The following PTPRD variants were observed in gnomAD, a reference collection of about 807,000 sequenced individuals.
PTPRD encodes the protein receptor-type tyrosine-protein phosphatase delta.
A neutral mutation model predicts 214.5 loss-of-function variants in PTPRD; 34 were observed. That is an observed-to-expected ratio of 0.16 (90% CI 0.12 to 0.21). PTPRD has a LOEUF of 0.21. PTPRD is among the 10% of genes least tolerant of loss of function. The pLI, the probability that PTPRD is intolerant of heterozygous loss-of-function variation, is 1.00. For synonymous variants in PTPRD, 1,128 were observed against 845.7 expected, an observed-to-expected ratio of 1.33 and a Z score of -5.79; for missense variants, 2,545 against 2,398.7, an observed-to-expected ratio of 1.06 and a Z score of -1.27.
At chr9:10,169,761 A>G (rs2099188913) in intron 3 of PTPRD, among the ~76,000 whole-genome samples, 1 of 152,174 alleles carries the variant, frequency 6.6e-6, no homozygotes, top group South Asian at 2.1e-4. Flanking sequence ...ATGAGTGTTT[A>G]GGCAGAAAAT....
intron 11 of PTPRD, among the ~76,000 whole-genome samples, chr9:8,959,330 A>C (rs555499535): frequency 6.6e-6 from 1 of 152,118 alleles, no homozygotes; most frequent in South Asian, 2.1e-4. Context: ...GGGATCTCTG[A>C]GAAACTGACT....
chr9:8,352,233 G>A lies in PTPRD; in HGVS notation c.4662-10255C>T, dbSNP rs191213501. Among the ~76,000 whole-genome samples the A allele has an allele frequency of 7.2e-5, 11 of 152,140 alleles. No individual in the cohort carries two copies. In the South Asian group the frequency reaches 1.0e-3, roughly 14 times the overall value. ...GATAAATTAGAAGGCTAATGTGTTC[G>A]CGTAAAGAACACCTGAATATGCCGC... On this transcript the variant is annotated intron_variant, in intron 39 of 45. Coordinates refer to ENST00000381196, the MANE Select transcript of PTPRD (RefSeq NM_002839.4).
intron 5 of PTPRD, among the ~76,000 whole-genome samples, chr9:9,934,780 G>T (rs1021230182): frequency 1.3e-5 from 2 of 151,732 alleles, no homozygotes; most frequent in South Asian, 2.1e-4. Flanking sequence ...CCAAAAAAGA[G>T]AATTTTAGAC....
chr9:9,209,778 T>A (rs1444030206), intron 9 of PTPRD, among the ~76,000 whole-genome samples: 2 of 152,174 alleles, frequency 1.3e-5, no homozygotes, highest in East Asian at 3.9e-4. Context: ...TAAAAATATA[T>A]ATCCTGTCTC....
intron 5 of PTPRD, among the ~76,000 whole-genome samples, chr9:9,893,647 T>G (rs936136005): frequency 2.0e-5 from 3 of 152,256 alleles, no homozygotes; most frequent in Middle Eastern, 6.8e-3. Context: ...TGCTTAAAAG[T>G]TATTGGAAAG....
At chr9:9,526,351 C>A (rs2074115944) in intron 8 of PTPRD, among the ~76,000 whole-genome samples, 1 of 152,150 alleles carries the variant, frequency 6.6e-6, no homozygotes, top group South Asian at 2.1e-4. Flanking sequence ...CTTATCTAGG[C>A]TAGGTCATAG....
chr9:9,408,620 C>A (rs2074344164), intron 8 of PTPRD, among the ~76,000 whole-genome samples: 1 of 151,754 alleles, frequency 6.6e-6, no homozygotes, highest in South Asian at 2.1e-4. Flanking sequence ...TTTTAAGGAA[C>A]CCGACATTAC....
At chr9:10,138,487 A>T (rs1282731140) in intron 3 of PTPRD, among the ~76,000 whole-genome samples, 1 of 152,132 alleles carries the variant, frequency 6.6e-6, no homozygotes, top group Non-Finnish European at 1.5e-5. Context: ...ATTCTAACAG[A>T]TGTACATAGA....
chr9:10,368,094 G>A (rs2097546466), intron 2 of PTPRD, among the ~76,000 whole-genome samples: 1 of 152,214 alleles, frequency 6.6e-6, no homozygotes, highest in Non-Finnish European at 1.5e-5. Flanking sequence ...TAATTTGAGT[G>A]TAAGCAGAGA....
chr9:8,581,913 C>CAAAAAAAA lies in PTPRD; in HGVS notation c.352+51396_352+51403dup, dbSNP rs36007156. On this transcript the variant is annotated intron_variant, in intron 14 of 45. Coordinates refer to ENST00000381196, the MANE Select transcript of PTPRD (RefSeq NM_002839.4). ...GGATGACAGAGCATGACTCAATCTC[C>CAAAAAAAA]AAAAAAAAAAAAAAAAAAAAAAAAA... Among the ~76,000 whole-genome samples, 154 of 34,948 alleles carry CAAAAAAAA rather than the reference C, an allele frequency of 4.4e-3. 4 individuals carry two copies. Among genetic ancestry groups the CAAAAAAAA allele is most frequent in the African/African-American group, 8.0e-3 (97 of 12,182 alleles). The allele number at this position is 34,948 out of a possible 152,430, so 22.9% of individuals were successfully genotyped here.
chr9:9,276,186 AATT>A (rs1945566263), intron 9 of PTPRD, among the ~76,000 whole-genome samples: 1 of 151,290 alleles, frequency 6.6e-6, no homozygotes, highest in Non-Finnish European at 1.5e-5. Context: ...CATTTGAATG[AATT>A]TTTTGAATCT....
chr9:9,765,874 G>A (rs1312684193), intron 6 of PTPRD, among the ~76,000 whole-genome samples: 4 of 152,212 alleles, frequency 2.6e-5, no homozygotes, highest in African/African-American at 9.6e-5. Context: ...GTGTTAGCCA[G>A]GATGGTCTCG....
At chr9:9,008,251 C>A (rs1285990005) in intron 11 of PTPRD, among the ~76,000 whole-genome samples, 1 of 30,212 alleles carries the variant, frequency 3.3e-5, no homozygotes, top group Admixed American at 3.4e-4. Context: ...ATTTTTGAGA[C>A]AGAGTCTCAC....
intron 37 of PTPRD, among the ~76,000 whole-genome samples, chr9:8,383,472 A>G (rs2085852012): frequency 6.6e-6 from 1 of 152,174 alleles, no homozygotes; most frequent in African/African-American, 2.4e-5. Context: ...TAGGGCAGGA[A>G]TTTTCCCATT....
chr9:9,522,432 A>G (rs545092346), intron 8 of PTPRD, among the ~76,000 whole-genome samples: 14 of 152,124 alleles, frequency 9.2e-5, no homozygotes, highest in Non-Finnish European at 1.9e-4. Context: ...AACCAGATAG[A>G]ACGAAAACAA....
intron 5 of PTPRD, among the ~76,000 whole-genome samples, chr9:9,937,216 A>G (rs1228934820): frequency 2.0e-5 from 3 of 151,856 alleles, no homozygotes; most frequent in Non-Finnish European, 2.9e-5. Context: ...CCTAAAACTT[A>G]AAGTAAAATA....
chr9:8,610,708 T>C (rs879439055), intron 14 of PTPRD, among the ~76,000 whole-genome samples: 1 of 152,234 alleles, frequency 6.6e-6, no homozygotes, highest in Non-Finnish European at 1.5e-5. Flanking sequence ...TTTCATTCAC[T>C]GTTTGAAGTT....
rs2097710920 is a variant in PTPRD at position 10,059,134 on chromosome 9, T to C, written c.-544-25344A>G. 2.6e-5 allele frequency among the ~76,000 whole-genome samples: 4 copies of C among 152,144 alleles called. No homozygotes were observed. The South Asian group carries it at 8.3e-4, about 31-fold the overall frequency. On this transcript the variant is annotated intron_variant, in intron 3 of 45. Coordinates refer to ENST00000381196, the MANE Select transcript of PTPRD (RefSeq NM_002839.4). ...CGTCTCCCTTGCTAACAGCATTATG[T>C]GTTGGCCTGAAGCAGTAAGTTCAAA...
intron 8 of PTPRD, among the ~76,000 whole-genome samples, chr9:9,516,301 A>G (rs2096836544): frequency 6.6e-6 from 1 of 152,010 alleles, no homozygotes; most frequent in Non-Finnish European, 1.5e-5. Flanking sequence ...GGGAGCAGTG[A>G]CACCATTCAG....
Sources: allele counts gnomAD v4.1 joint callset (sites outside exome capture counted in the v4.1 genomes callset), GRCh38; gene constraint gnomAD v4.1.1; transcripts MANE v1.5; gene names NCBI Gene and HGNC (gene_info 2026-07-23, HGNC 2026-07-21).